The following NME7 variants were observed in gnomAD, a reference collection of about 807,000 sequenced individuals.
NME7 encodes nucleoside diphosphate kinase 7.
NME7 carries 41 observed loss-of-function variants against 49.1 expected under a neutral mutation model. That is an observed-to-expected ratio of 0.83 (90% CI 0.65 to 1.08). The LOEUF is 1.08. Among genes scored for constraint, NME7 ranks in the 50% least tolerant of loss-of-function variants. NME7 has a pLI of 0.00. For missense variants in NME7, 423 were observed against 463.4 expected, an observed-to-expected ratio of 0.91 and a Z score of 0.80; for synonymous variants, 139 against 150.6, an observed-to-expected ratio of 0.92 and a Z score of 0.56.
chr1:169,243,845 A>G (rs951887919), intron 7 of NME7, among the ~76,000 whole-genome samples: 1 of 152,192 alleles, frequency 6.6e-6, no homozygotes, highest in Admixed American at 6.5e-5. Context: ...GGAAAGTACT[A>G]GTATAATCTT....
chr1:169,315,698 C>T (rs1331166702), intron 3 of NME7, among the ~76,000 whole-genome samples: 1 of 151,878 alleles, frequency 6.6e-6, no homozygotes, highest in Admixed American at 6.6e-5. Flanking sequence ...AGCTAGATTC[C>T]AATACAAAAA....
intron 11 of NME7, among the ~76,000 whole-genome samples, chr1:169,156,490 A>G (rs1223517075): frequency 1.3e-5 from 2 of 152,130 alleles, no homozygotes; most frequent in Non-Finnish European, 2.9e-5. Flanking sequence ...TTTTATATGG[A>G]TTTTCCATAG....
In NME7 at chr1:169,296,021, T is replaced by C. The variant is rs939464658; in HGVS notation, c.648+2535A>G. ...CCTTTTGCCTAATTAATGAAATTGC[T>C]CCAACAAGTCTTCCTCTTTTTCCTA... is the stretch of plus-strand genomic sequence containing the variant. On this transcript the variant is annotated intron_variant, in intron 6 of 11. Transcript: ENST00000367811. 3.3e-5 allele frequency among the ~76,000 whole-genome samples: 5 copies of C among 152,030 alleles called. No individual in the cohort carries two copies. In the South Asian group the frequency reaches 1.0e-3, roughly 32 times the overall value.
At chr1:169,248,365 T>G (rs1648411163) in intron 7 of NME7, among the ~76,000 whole-genome samples, 1 of 152,140 alleles carries the variant, frequency 6.6e-6, no homozygotes, top group Non-Finnish European at 1.5e-5. Flanking sequence ...TCATTGTAGA[T>G]TCTAGATATT....
intron 11 of NME7, among the ~76,000 whole-genome samples, chr1:169,158,729 T>C (rs1344170205): frequency 6.6e-6 from 1 of 152,196 alleles, no homozygotes; most frequent in Non-Finnish European, 1.5e-5. Context: ...AAAGCACAGA[T>C]TCCTGGGTCA....
At chr1:169,143,607 G>A (rs192568649) in intron 11 of NME7, among the ~76,000 whole-genome samples, 142 of 152,274 alleles carry the variant, frequency 9.3e-4, no homozygotes, top group African/African-American at 3.3e-3. Context: ...TGAATGGAAT[G>A]TGTGTCTGAA....
At chr1:169,177,823 G>C (rs185614150) in intron 10 of NME7, among the ~76,000 whole-genome samples, 6 of 143,246 alleles carry the variant, frequency 4.2e-5, no homozygotes, top group African/African-American at 1.5e-4. Context: ...CCTTGGCTCA[G>C]CAATTCTCTT....
intron 10 of NME7, among the ~76,000 whole-genome samples, chr1:169,184,273 A>G (rs1660009766): frequency 6.6e-6 from 1 of 152,206 alleles, no homozygotes; most frequent in East Asian, 1.9e-4. Flanking sequence ...ATTGAAATGA[A>G]GCAATCTTTT....
intron 11 of NME7, among the ~76,000 whole-genome samples, chr1:169,157,995 C>T (rs559209180): frequency 4.6e-5 from 7 of 152,244 alleles, no homozygotes; most frequent in Non-Finnish European, 8.8e-5. Flanking sequence ...TTCTCCCATT[C>T]GATAGGTTGT....
At chr1:169,153,791 C>A (rs1658977631) in intron 11 of NME7, among the ~76,000 whole-genome samples, 1 of 151,936 alleles carries the variant, frequency 6.6e-6, no homozygotes, top group Non-Finnish European at 1.5e-5. Context: ...TCGAACCTCC[C>A]AGCCTCAAGA....
intron 10 of NME7, among the ~76,000 whole-genome samples, chr1:169,175,872 G>C (rs772958193): frequency 6.6e-6 from 1 of 152,080 alleles, no homozygotes; most frequent in Non-Finnish European, 1.5e-5. Context: ...TACAATCATT[G>C]TCCTCCTTTC....
In NME7 at chr1:169,342,667, GTATA is replaced by G. The variant is rs573093140; in HGVS notation, c.4-18171_4-18168del. Among the ~76,000 whole-genome samples, 71 of 25,332 alleles carry G rather than the reference GTATA, an allele frequency of 2.8e-3. 16 individuals are homozygous for G. Among genetic ancestry groups the G allele is most frequent in the African/African-American group, 0.014 (65 of 4,518 alleles). 16.6% of individuals were successfully genotyped at this position (25,332 alleles called of 152,430 possible). ...ATATATACAAGTACATATATATATA[GTATA>G]TATATATACAAGTACATATATATAG... On this transcript the variant is annotated intron_variant, in intron 1 of 11. Coordinates refer to ENST00000367811, the MANE Select transcript of NME7 (RefSeq NM_013330.5).
intron 10 of NME7, among the ~76,000 whole-genome samples, chr1:169,212,565 TAACTCTCACACTTCACACTTTAA>T (rs1185740449): frequency 6.6e-6 from 1 of 151,104 alleles, no homozygotes; most frequent in African/African-American, 2.4e-5. Context: ...CTTCTTATTT[TAACTCTCACACTTCACACTTTAA>T]AACAAATGTC....
At chr1:169,206,931 T>C (rs1387238678) in intron 10 of NME7, among the ~76,000 whole-genome samples, 1 of 152,178 alleles carries the variant, frequency 6.6e-6, no homozygotes, top group East Asian at 1.9e-4. Context: ...TTCAGTCAGA[T>C]ATTAGTGAAA....
At chr1:169,134,163 T>TA (rs1658350926) in intron 11 of NME7, among the ~76,000 whole-genome samples, 2 of 152,212 alleles carry the variant, frequency 1.3e-5, no homozygotes, top group Non-Finnish European at 2.9e-5. Flanking sequence ...ATACCTACCA[T>TA]ATGCCAAGCA....
chr1:169,137,865 A>G (rs1452852834), intron 11 of NME7, among the ~76,000 whole-genome samples: 1 of 152,228 alleles, frequency 6.6e-6, no homozygotes, highest in East Asian at 1.9e-4. Flanking sequence ...TGTTGTAGCT[A>G]TAGAACCCCA....
chr1:169,365,208 C>T (rs1653807693), intron 1 of NME7, among the ~76,000 whole-genome samples: 1 of 152,130 alleles, frequency 6.6e-6, no homozygotes, highest in African/African-American at 2.4e-5. Flanking sequence ...TCAGCAGCGC[C>T]CATTCCCTAC....
chr1:169,350,163 AAAG>A (rs913690107), intron 1 of NME7, among the ~76,000 whole-genome samples: 2 of 151,064 alleles, frequency 1.3e-5, no homozygotes, highest in African/African-American at 2.4e-5. Flanking sequence ...AGAAAGAAAG[AAAG>A]AAGAAAGAAA....
intron 11 of NME7, 21 bp downstream of exon 11, chr1:169,169,426 T>C (rs772209084): frequency 1.3e-6 from 2 of 1,581,696 alleles, no homozygotes; most frequent in East Asian, 4.5e-5. Context: ...ATAAATAGGA[T>C]GTTTACCTTC....
Sources: allele counts gnomAD v4.1 joint callset (sites outside exome capture counted in the v4.1 genomes callset), GRCh38; gene constraint gnomAD v4.1.1; transcripts MANE v1.5; gene names NCBI Gene and HGNC (gene_info 2026-07-23, HGNC 2026-07-21).